EYA1: variants seen among roughly 807,000 people sequenced by gnomAD.
EYA1 encodes the protein protein phosphatase EYA1.
In EYA1, 16 loss-of-function variants were observed where a neutral mutation model predicts 82.0. That is an observed-to-expected ratio of 0.20 (90% CI 0.13 to 0.30). The LOEUF (loss-of-function observed/expected upper bound fraction) is 0.30. EYA1 is among the 10% of genes least tolerant of loss of function. EYA1 has a pLI of 1.00. For missense variants in EYA1, 633 were observed against 730.7 expected (o/e 0.87, Z 1.54); for synonymous variants, 261 against 264.4 (o/e 0.99, Z 0.12).
chr8:71,406,487 C>T (rs908395691), intron 2 of EYA1, among the ~76,000 whole-genome samples: 2 of 152,182 alleles, frequency 1.3e-5, no homozygotes, highest in African/African-American at 2.4e-5. Context: ...TAGGGAGTGC[C>T]AGACAGTGGG....
chr8:71,294,388 G>A (rs1330619523), intron 9 of EYA1, among the ~76,000 whole-genome samples: 3 of 152,042 alleles, frequency 2.0e-5, no homozygotes, highest in Non-Finnish European at 2.9e-5. Flanking sequence ...GAACCCCGGG[G>A]GGCGGAGCCT....
rs1010359101 is a variant in EYA1 at position 71,419,632 on chromosome 8, T to C, written c.34-63121A>G. On this transcript the variant is annotated intron_variant, in intron 2 of 18. Coordinates refer to the EYA1 transcript ENST00000643681. Reference sequence around the variant, plus strand: ...TGGAAGATGGTTACCTAAGGGTTCATTACACTATTCTTTCTATTTTTTATT... The same window carrying C: ...TGGAAGATGGTTACCTAAGGGTTCACTACACTATTCTTTCTATTTTTTATT... Among the ~76,000 whole-genome samples the C allele has an allele frequency of 2.0e-5, 3 of 152,170 alleles. No individual in the cohort carries two copies. In the East Asian group the frequency reaches 5.8e-4, roughly 29 times the overall value.
intron 1 of EYA1, chr8:71,356,824 T>C: frequency 1.1e-6 from 1 of 932,528 alleles, no homozygotes; most frequent in South Asian, 5.1e-5. Context: ...CAAAGCAGCC[T>C]TGCCCAGGCA....
In EYA1 at chr8:71,518,951, C is replaced by G. The variant is rs143030221; in HGVS notation, c.33+16793G>C. ...TTGAACCCTTTTTTCCTAAATAATA[C>G]TATAGTAGTACATAGTTGCACTACA... On this transcript the variant is annotated intron_variant, in intron 2 of 18. Transcript: ENST00000643681. Among the ~76,000 whole-genome samples, 39 of 152,228 alleles carry G rather than the reference C, an allele frequency of 2.6e-4. 1 individual carries two copies. The South Asian group carries it at 7.9e-3, about 31-fold the overall frequency.
chr8:71,202,226 TCA>T (rs1258255589), intron 17 of EYA1, among the ~76,000 whole-genome samples: 1 of 147,848 alleles, frequency 6.8e-6, no homozygotes, highest in African/African-American at 2.5e-5. Context: ...GCCATGACTC[TCA>T]GAGAAATCAA....
chr8:71,452,547 A>G lies in EYA1; in HGVS notation c.33+83197T>C, dbSNP rs186861445. On this transcript the variant is annotated intron_variant, in intron 2 of 18. Coordinates refer to the EYA1 transcript ENST00000643681. ...TAGGGGCAGACTGACACCTCACACG[A>G]CTGGGTACCCCTCTGAGATGAAGCT... 1.4e-4 allele frequency among the ~76,000 whole-genome samples: 22 copies of G among 152,206 alleles called. 1 individual carries two copies. Among genetic ancestry groups the G allele is most frequent in the African/African-American group, 5.3e-4 (22 of 41,548 alleles).
intron 2 of EYA1, among the ~76,000 whole-genome samples, chr8:71,371,399 A>G (rs1043008258): frequency 3.3e-5 from 5 of 152,170 alleles, no homozygotes; most frequent in African/African-American, 1.2e-4. Context: ...AGGAGCCTAC[A>G]TTGATTTCAC....
chr8:71,209,873 A>T (rs1178048636), intron 17 of EYA1, among the ~76,000 whole-genome samples: 1 of 152,218 alleles, frequency 6.6e-6, no homozygotes, highest in Non-Finnish European at 1.5e-5. Context: ...TTATAAAAAA[A>T]TCTGAAGACA....
intron 11 of EYA1, among the ~76,000 whole-genome samples, chr8:71,265,418 T>C (rs750495272): frequency 6.6e-6 from 1 of 152,244 alleles, no homozygotes; most frequent in Non-Finnish European, 1.5e-5. Context: ...CTTTACACTA[T>C]CTTAAGTGTT....
intron 2 of EYA1, among the ~76,000 whole-genome samples, chr8:71,493,929 AGGAG>A (rs2129227997): frequency 7.1e-6 from 1 of 141,048 alleles, no homozygotes; most frequent in African/African-American, 2.6e-5. Context: ...AGGCTGAGGC[AGGAG>A]AATGGCGTGA....
intron 12 of EYA1, among the ~76,000 whole-genome samples, chr8:71,237,679 T>C (rs1812011178): frequency 6.6e-6 from 1 of 152,204 alleles, no homozygotes; most frequent in South Asian, 2.1e-4. Context: ...ATTTCCATTA[T>C]TTATGCAATA....
At chr8:71,246,437 C>G (rs1368667407) in intron 11 of EYA1, among the ~76,000 whole-genome samples, 7 of 152,196 alleles carry the variant, frequency 4.6e-5, no homozygotes, top group Admixed American at 3.3e-4. Flanking sequence ...TGATTCGATA[C>G]TGCCCAATGT....
intron 7 of EYA1, among the ~76,000 whole-genome samples, chr8:71,315,869 A>C (rs1821874298): frequency 6.6e-6 from 1 of 152,224 alleles, no homozygotes; most frequent in Non-Finnish European, 1.5e-5. Flanking sequence ...TGAATATGTC[A>C]AAACTTTACA....
rs188966894 is a variant in EYA1 at position 71,337,962 on chromosome 8, G to C, written c.125-3788C>G. Among the ~76,000 whole-genome samples the C allele has an allele frequency of 4.1e-3, 622 of 152,328 alleles. 4 individuals carry two copies. Among genetic ancestry groups the C allele is most frequent in the Non-Finnish European group, 4.9e-3 (331 of 68,032 alleles). ...ATCTGTAAGTGTGGGTGAATACTCA[G>C]GTGAGAATAAAAAAAGATAAATGCT... On this transcript the variant is annotated intron_variant, in intron 3 of 17. Transcript: ENST00000340726.
In EYA1 at chr8:71,354,799, G is replaced by A. The variant is rs727503048; in HGVS notation, c.107C>T (p.Thr36Ile). 2.8e-5 allele frequency: 45 copies of A among 1,613,292 alleles called. No individual in the cohort carries two copies. The Admixed American group carries it at 7.2e-4, about 26-fold the overall frequency. ...ACACTCACCTTCGGTGCCATTGGGA[G>A]TCATGGAATTACTATTTATATGAGA... is the stretch of plus-strand genomic sequence containing the variant. ...GNSHINSNSM[T>I]PNGTEVKTEP... Residue 36 changes from threonine (T) to isoleucine (I), a missense_variant, in exon 3 of 18, where the codon ACT becomes ATT. Transcript: ENST00000340726.
intron 11 of EYA1, among the ~76,000 whole-genome samples, chr8:71,253,112 A>G (rs767277904): frequency 1.3e-5 from 2 of 152,224 alleles, no homozygotes; most frequent in African/African-American, 2.4e-5. Flanking sequence ...CAGGAATGAC[A>G]TAATATTTTA....
chr8:71,219,520 A>G (rs1809625223), intron 12 of EYA1, among the ~76,000 whole-genome samples: 1 of 152,256 alleles, frequency 6.6e-6, no homozygotes, highest in Admixed American at 6.5e-5. Flanking sequence ...TATATTGTAC[A>G]AACTTCAAAT....
intron 7 of EYA1, among the ~76,000 whole-genome samples, chr8:71,312,130 GT>G (rs1226591111): frequency 3.9e-5 from 6 of 152,150 alleles, no homozygotes; most frequent in African/African-American, 1.2e-4. Flanking sequence ...TTTCTAAGAA[GT>G]TTTTTTTAGA....
chr8:71,342,014 A>G (rs1187816288), intron 3 of EYA1, among the ~76,000 whole-genome samples: 1 of 151,878 alleles, frequency 6.6e-6, no homozygotes, highest in Admixed American at 6.6e-5. Context: ...GTCTTTTACA[A>G]CTCCATGTTC....
Sources: gnomAD v4.1 joint callset for allele counts (sites outside exome capture counted in the v4.1 genomes callset) on GRCh38, gnomAD v4.1.1 for gene constraint, MANE v1.5 for transcripts, NCBI Gene and HGNC (gene_info 2026-07-23, HGNC 2026-07-21) for gene names.